The following SLC8B1 variants were observed in gnomAD, a reference collection of about 807,000 sequenced individuals.
SLC8B1 encodes the protein mitochondrial sodium/calcium exchanger protein.
Under a neutral mutation model 63.4 loss-of-function variants are expected in SLC8B1, and 52 were observed. That is an observed-to-expected ratio of 0.82 (90% CI 0.66 to 1.03). The LOEUF (loss-of-function observed/expected upper bound fraction) is 1.03, where lower values mean the gene tolerates loss of function less well. SLC8B1 is among the 50% of genes least tolerant of loss of function. The pLI is 0.00. For synonymous variants in SLC8B1, 336 were observed against 323.9 expected (o/e 1.04, Z -0.40); for missense variants, 657 against 741.7 (o/e 0.89, Z 1.33).
rs967666525 is a variant in SLC8B1, at chr12:113,320,040, G to A, written c.694+291C>T. ...ACTCCTGAACCAAAGTGATCCTCCT[G>A]CCTCAGCCTCTCAAATTGCTGGGAT... is the stretch of plus-strand genomic sequence containing the variant. On this transcript the variant is annotated intron_variant, in intron 7 of 15. Transcript: ENST00000680972. This position sits in a 1 kb window ranked among gnomAD's most constrained non-coding sequence, Gnocchi z 5.3. 1 of 353,354 alleles carries A rather than the reference G, an allele frequency of 2.8e-6. No homozygotes were observed. Among genetic ancestry groups the A allele is most frequent in the African/African-American group, 2.1e-5 (1 of 48,048 alleles). The allele number at this position is 353,354 out of a possible 1,614,324, so 21.9% of individuals were successfully genotyped here.
chr12:113,333,844 G>C (rs945025140), intron 1 of SLC8B1, among the ~76,000 whole-genome samples: 1 of 152,196 alleles, frequency 6.6e-6, no homozygotes, highest in Non-Finnish European at 1.5e-5. Context: ...GAGTAGCTGG[G>C]ATTACAGGCA....
At chr12:113,312,080 T>A (rs372259898) in intron 11 of SLC8B1, among the ~76,000 whole-genome samples, 1 of 151,498 alleles carries the variant, frequency 6.6e-6, no homozygotes, top group Non-Finnish European at 1.5e-5. Flanking sequence ...TTGGGTAAGA[T>A]GGAATCAAGC....
intron 15 of SLC8B1, among the ~76,000 whole-genome samples, chr12:113,303,279 G>C (rs1306907279): frequency 6.6e-6 from 1 of 152,170 alleles, no homozygotes; most frequent in East Asian, 1.9e-4. Context: ...AGTTTGCAGA[G>C]GGTGTTTACC....
rs200679896 is a variant in SLC8B1, at chr12:113,316,707, C to G, written c.863-51G>C. On this transcript the variant is annotated intron_variant, in intron 9 of 15. Transcript: ENST00000680972. ...GTGTGCCTGCGGCTGACTTGCTCTC[C>G]AGGAAACCTTCCCCGCTCCATCCCA... The G allele has an allele frequency of 4.4e-5, 71 of 1,601,580 alleles. 1 individual carries two copies. In the South Asian group the frequency reaches 7.7e-4, roughly 17 times the overall value.
chr12:113,319,119 C>G, intron 7 of SLC8B1, 48 bp from the exon 8 acceptor site: 1 of 1,438,700 alleles, frequency 7.0e-7, no homozygotes, highest in African/African-American at 1.4e-5. Context: ...TGGTGCAGGT[C>G]TAGAGAACAA....
chr12:113,334,343 C>A (rs1408023726), intron 1 of SLC8B1, 100 bp downstream of exon 1: 1 of 151,926 alleles, frequency 6.6e-6, no homozygotes, highest in Non-Finnish European at 1.5e-5. Context: ...TTTAAGTCTG[C>A]GCAGGTGTTT....
intron 1 of SLC8B1, 95 bp from the exon 2 acceptor site, chr12:113,333,055 C>T (rs1257882890): frequency 4.0e-6 from 3 of 751,712 alleles, no homozygotes; most frequent in South Asian, 3.9e-5. Context: ...AACTGCCTTC[C>T]TGCCTCCCGG....
At chr12:113,310,791 TC>T (rs1408714798) in intron 11 of SLC8B1, among the ~76,000 whole-genome samples, 1 of 152,060 alleles carries the variant, frequency 6.6e-6, no homozygotes, top group Non-Finnish European at 1.5e-5. Context: ...AAGTCCACTC[TC>T]CATTAACAAA....
chr12:113,313,473 C>G (rs980863433), intron 11 of SLC8B1, among the ~76,000 whole-genome samples: 1 of 152,104 alleles, frequency 6.6e-6, no homozygotes, highest in Non-Finnish European at 1.5e-5. Flanking sequence ...GGCGCAGTGG[C>G]TCATGCTTAT....
At position 113,332,737 on chromosome 12, in the gene SLC8B1, T is replaced by G. The variant is rs1458184784; in HGVS notation, c.142A>C (p.Thr48Pro). The change falls in exon 2 of 16, where the codon ACC becomes CCC. Residue 48 changes from threonine (T) to proline (P), a missense_variant. By Grantham distance (38) the Thr-to-Pro change is conservative (BLOSUM62 -1). Transcript: ENST00000680972. ...GGGATACTCACGTCTACCACGGGGG[T>G]CTGGTTCACACCTGAAGCTGGAAAC... ...PQFPASGVNQ[T>P]PVVDCRKVCG... is the part of the protein sequence containing the mutation. 6.2e-7 allele frequency: 1 copy of G among 1,613,526 alleles called. No individual in the cohort carries two copies. The highest frequency in any genetic ancestry group is 8.5e-7 in the Non-Finnish European group (1 of 1,179,876).
At chr12:113,307,549 C>T (rs936569021) in intron 13 of SLC8B1, 142 bp downstream of exon 13, 1 of 1,035,508 alleles carries the variant, frequency 9.7e-7, no homozygotes, top group African/African-American at 1.6e-5. Context: ...GCTGGCCACT[C>T]CACAGTGACA....
chr12:113,326,125 G>C (rs1004318603), intron 2 of SLC8B1, among the ~76,000 whole-genome samples: 1 of 152,182 alleles, frequency 6.6e-6, no homozygotes, highest in African/African-American at 2.4e-5. Flanking sequence ...ATTTTTAAAT[G>C]GTTGGGAGAC....
chr12:113,318,312 CGCAT>C (rs1245643361), intron 8 of SLC8B1, among the ~76,000 whole-genome samples: 5 of 149,012 alleles, frequency 3.4e-5, no homozygotes, highest in African/African-American at 7.4e-5. Context: ...TGTGTATGTG[CGCAT>C]GCATGCATCT....
intron 7 of SLC8B1, chr12:113,319,350 C>T (rs562849876): frequency 2.9e-6 from 1 of 346,432 alleles, no homozygotes; most frequent in South Asian, 2.6e-5. Context: ...CGGTGTCCTG[C>T]TCTGTGCCCT....
rs1308387971 is a variant in SLC8B1 at position 113,299,645 on chromosome 12, G to C, written c.*132C>G. 1 of 810,030 alleles carries C rather than the reference G, an allele frequency of 1.2e-6. No individual in the cohort carries two copies. The highest frequency in any genetic ancestry group is 1.7e-5 in the African/African-American group (1 of 58,878). 50.2% of individuals were successfully genotyped at this position (810,030 alleles called of 1,614,324 possible). ...CTCCCAGCTCACAGCAGTGACCTCA[G>C]ATCTCCAGCAGCAAGGGCCGCACTC... is the stretch of plus-strand genomic sequence containing the variant. On this transcript the variant is annotated 3_prime_UTR_variant, in exon 16 of 16. Transcript: ENST00000680972.
chr12:113,317,521 G>A (rs1343784932), intron 8 of SLC8B1, among the ~76,000 whole-genome samples: 1 of 152,216 alleles, frequency 6.6e-6, no homozygotes, highest in African/African-American at 2.4e-5. Flanking sequence ...GTTAATAGGG[G>A]CATCTGAAGG....
intron 11 of SLC8B1, among the ~76,000 whole-genome samples, chr12:113,314,124 AATGG>A (rs1010568696): frequency 1.3e-5 from 2 of 152,246 alleles, no homozygotes; most frequent in Non-Finnish European, 2.9e-5. Context: ...CTCCGTAGAG[AATGG>A]ATGGAGAATG....
intron 2 of SLC8B1, among the ~76,000 whole-genome samples, chr12:113,323,268 T>C (rs919515864): frequency 7.9e-5 from 12 of 152,192 alleles, no homozygotes; most frequent in African/African-American, 2.9e-4. Flanking sequence ...ATCTTCAACA[T>C]TGCTAGATTT....
At chr12:113,311,925 G>C (rs1956767999) in intron 11 of SLC8B1, among the ~76,000 whole-genome samples, 1 of 151,984 alleles carries the variant, frequency 6.6e-6, no homozygotes, top group African/African-American at 2.4e-5. Context: ...TTTGGATCCA[G>C]ACACCTGGGC....
Sources: allele counts gnomAD v4.1 joint callset (sites outside exome capture counted in the v4.1 genomes callset), GRCh38; gene constraint gnomAD v4.1.1; non-coding constraint Gnocchi (gnomAD v3.1); transcripts MANE v1.5; gene names NCBI Gene and HGNC (gene_info 2026-07-23, HGNC 2026-07-21).